Variants in KHDRBS3 observed in about 807,000 individuals in gnomAD.
KHDRBS3 encodes KH RNA binding domain containing, signal transduction associated 3.
In KHDRBS3, 23 loss-of-function variants were observed where a neutral mutation model predicts 45.6. That is an observed-to-expected ratio of 0.50 (90% CI 0.36 to 0.72). The LOEUF (loss-of-function observed/expected upper bound fraction) is 0.72. Ranked by LOEUF, KHDRBS3 falls within the 30% of genes least tolerant of loss-of-function variation. The pLI is 0.00. For synonymous variants in KHDRBS3, 162 were observed against 156.5 expected (o/e 1.04, Z -0.26); for missense variants, 352 against 424.8 (o/e 0.83, Z 1.51).
chr8:135,588,621 T>C (rs1456387362), intron 6 of KHDRBS3, among the ~76,000 whole-genome samples: 1 of 152,154 alleles, frequency 6.6e-6, no homozygotes, highest in Non-Finnish European at 1.5e-5. Flanking sequence ...GAAGTCATCT[T>C]ATTGATGTAA....
At chr8:135,575,083 T>C (rs1827888298) in intron 5 of KHDRBS3, among the ~76,000 whole-genome samples, 1 of 152,234 alleles carries the variant, frequency 6.6e-6, no homozygotes, top group Non-Finnish European at 1.5e-5. Flanking sequence ...CTATTTTTAC[T>C]GTACCAATTG....
intron 2 of KHDRBS3, among the ~76,000 whole-genome samples, chr8:135,531,782 GAA>G (rs1303018164): frequency 6.6e-6 from 1 of 152,108 alleles, no homozygotes; most frequent in African/African-American, 2.4e-5. Context: ...TGTTGGGCTA[GAA>G]TGACTTCATT....
chr8:135,518,549 T>A (rs918544987), intron 1 of KHDRBS3, among the ~76,000 whole-genome samples: 3 of 152,094 alleles, frequency 2.0e-5, no homozygotes, highest in Non-Finnish European at 4.4e-5. Flanking sequence ...CAAAAAAAAA[T>A]TTTAGGACGT....
At position 135,467,894 on chromosome 8, in the gene KHDRBS3, A is replaced by G. The variant is rs534673409; in HGVS notation, c.88+9940A>G. 6.6e-5 allele frequency among the ~76,000 whole-genome samples: 10 copies of G among 152,342 alleles called. No individual in the cohort carries two copies. The South Asian group carries it at 1.4e-3, about 22-fold the overall frequency. On this transcript the variant is annotated intron_variant, in intron 1 of 8. Transcript: ENST00000355849. ...ACTCTCCCTCACATCTTTTAGATCC[A>G]TTAACATTTCTTACCTGAATTATTA...
intron 1 of KHDRBS3, among the ~76,000 whole-genome samples, chr8:135,511,488 G>A (rs916200350): frequency 6.6e-6 from 1 of 151,884 alleles, no homozygotes; most frequent in African/African-American, 2.4e-5. Flanking sequence ...AATCTTATGT[G>A]TTGTATGTAT....
intron 1 of KHDRBS3, chr8:135,459,048 C>T: frequency 2.3e-6 from 1 of 436,654 alleles, no homozygotes; most frequent in Non-Finnish European, 4.6e-6. Flanking sequence ...AGATCTGTTA[C>T]CTTTTGCAGG....
chr8:135,611,074 G>A (rs554680238), intron 7 of KHDRBS3, among the ~76,000 whole-genome samples: 3 of 152,008 alleles, frequency 2.0e-5, no homozygotes, highest in African/African-American at 7.3e-5. Context: ...TATCAGGAAA[G>A]ATTCACTAAA....
chr8:135,613,800 A>G (rs908670832), intron 7 of KHDRBS3, among the ~76,000 whole-genome samples: 1 of 151,620 alleles, frequency 6.6e-6, no homozygotes. Flanking sequence ...CTTGAGTAAG[A>G]CAGCAAGGCG....
chr8:135,653,966 A>G (rs1181770187), intron 4 of KHDRBS3, among the ~76,000 whole-genome samples: 1 of 152,176 alleles, frequency 6.6e-6, no homozygotes, highest in Non-Finnish European at 1.5e-5. Context: ...AAATATATAC[A>G]CACAATGGTG....
At position 135,557,408 on chromosome 8, in the gene KHDRBS3, A is replaced by G. The variant is rs774057048; in HGVS notation, c.472-40A>G. 8.0e-6 allele frequency: 11 copies of G among 1,377,142 alleles called. No individual in the cohort carries two copies. In the African/African-American group the frequency reaches 1.3e-4, roughly 17 times the overall value. 85.3% of individuals were successfully genotyped at this position (1,377,142 alleles called of 1,614,324 possible). On this transcript the variant is annotated intron_variant, in intron 4 of 8. Transcript: ENST00000355849. ...TTGTTCTAAATATTTTTGCATTTCT[A>G]ATATGAAGTGAATTTTGCTATCTTC...
chr8:135,582,164 C>T, intron 6 of KHDRBS3, 91 bp downstream of exon 6: 1 of 1,266,860 alleles, frequency 7.9e-7, no homozygotes, highest in East Asian at 2.7e-5. Context: ...CGCTTCCTCA[C>T]CTTGTTTTGG....
At chr8:135,458,807 T>C (rs1053785020) in intron 1 of KHDRBS3, 1 of 453,748 alleles carries the variant, frequency 2.2e-6, no homozygotes, top group Non-Finnish European at 4.4e-6. Flanking sequence ...TAGGAAGTAC[T>C]GCGGGTCAGG....
chr8:135,490,067 C>T (rs1272535455), intron 1 of KHDRBS3, among the ~76,000 whole-genome samples: 2 of 152,118 alleles, frequency 1.3e-5, no homozygotes, highest in African/African-American at 4.8e-5. Context: ...TGCCACATGC[C>T]ATACAGGTTT....
At chr8:135,631,698 C>T (rs1024482535) in intron 7 of KHDRBS3, among the ~76,000 whole-genome samples, 2 of 152,116 alleles carry the variant, frequency 1.3e-5, no homozygotes, top group South Asian at 2.1e-4. Flanking sequence ...AAAACAGCTT[C>T]GGGCAGGTCC....
intron 3 of KHDRBS3, among the ~76,000 whole-genome samples, chr8:135,545,514 C>T (rs772887910): frequency 7.9e-5 from 12 of 152,180 alleles, no homozygotes; most frequent in East Asian, 1.9e-4. Flanking sequence ...ACATAAGAGA[C>T]GGCTGAGCAT....
intron 1 of KHDRBS3, chr8:135,458,239 G>A: frequency 1.7e-6 from 2 of 1,185,786 alleles, no homozygotes; most frequent in Non-Finnish European, 2.1e-6. Flanking sequence ...AAACTTCTGG[G>A]TGGGGGACAG....
chr8:135,469,561 C>T (rs1821902586), intron 1 of KHDRBS3, among the ~76,000 whole-genome samples: 1 of 127,352 alleles, frequency 7.9e-6, no homozygotes, highest in Non-Finnish European at 1.6e-5. Context: ...ACGAGTCTCG[C>T]TTCTTCACCC....
intron 5 of KHDRBS3, 82 bp downstream of exon 5, chr8:135,557,669 A>G: frequency 2.9e-6 from 3 of 1,027,818 alleles, no homozygotes; most frequent in Non-Finnish European, 4.5e-6. Context: ...AACCAGTTCT[A>G]TCTGAACAAA....
intron 7 of KHDRBS3, among the ~76,000 whole-genome samples, chr8:135,613,864 G>A (rs1385036229): frequency 6.6e-6 from 1 of 151,572 alleles, no homozygotes; most frequent in Non-Finnish European, 1.5e-5. Context: ...TTTCCATAAT[G>A]ACTTTTAAAC....
Sources: gnomAD v4.1 joint callset for allele counts (sites outside exome capture counted in the v4.1 genomes callset) on GRCh38, gnomAD v4.1.1 for gene constraint, MANE v1.5 for transcripts, NCBI Gene and HGNC (gene_info 2026-07-23, HGNC 2026-07-21) for gene names.